Variants in PPFIA2 observed in about 807,000 individuals in gnomAD.
PPFIA2 encodes the protein liprin-alpha-2.
Under a neutral mutation model 175.5 loss-of-function variants are expected in PPFIA2, and 46 were observed. The observed-to-expected ratio is 0.26, with a 90% CI of 0.21 to 0.34. The LOEUF (loss-of-function observed/expected upper bound fraction) is 0.34. Among genes scored for constraint, PPFIA2 ranks in the 10% least tolerant of loss-of-function variants. The pLI, the probability that PPFIA2 is intolerant of heterozygous loss-of-function variation, is 1.00. For synonymous variants in PPFIA2, 568 were observed against 511.4 expected, an observed-to-expected ratio of 1.11 and a Z score of -1.49; for missense variants, 1,179 against 1,506.1, an observed-to-expected ratio of 0.78 and a Z score of 3.60.
intron 4 of PPFIA2, among the ~76,000 whole-genome samples, chr12:81,570,706 A>C (rs914998816): frequency 2.0e-5 from 3 of 148,760 alleles, no homozygotes; most frequent in Non-Finnish European, 3.0e-5. Context: ...TTACATAAAA[A>C]TATAATATTT....
At chr12:81,569,494 G>A (rs1199539866) in intron 4 of PPFIA2, among the ~76,000 whole-genome samples, 1 of 152,112 alleles carries the variant, frequency 6.6e-6, no homozygotes, top group Non-Finnish European at 1.5e-5. Flanking sequence ...GAATCCTATG[G>A]TTCAGAGAAA....
At chr12:81,329,896 C>T (rs2055740267) in intron 21 of PPFIA2, among the ~76,000 whole-genome samples, 1 of 152,168 alleles carries the variant, frequency 6.6e-6, no homozygotes, top group African/African-American at 2.4e-5. Flanking sequence ...GGTGCCTTGC[C>T]CAGATGGCAC....
At chr12:81,448,131 G>T (rs188371434) in intron 5 of PPFIA2, among the ~76,000 whole-genome samples, 19 of 152,136 alleles carry the variant, frequency 1.2e-4, no homozygotes, top group African/African-American at 4.3e-4. Context: ...TCTAGGAAAA[G>T]AAACACAATA....
intron 3 of PPFIA2, among the ~76,000 whole-genome samples, chr12:81,715,270 C>G (rs1435063172): frequency 6.6e-6 from 1 of 151,524 alleles, no homozygotes; most frequent in Non-Finnish European, 1.5e-5. Context: ...TATCTTCATT[C>G]ACTTCTTTTC....
At chr12:81,586,118 G>A (rs1230670342) in intron 4 of PPFIA2, among the ~76,000 whole-genome samples, 2 of 151,912 alleles carry the variant, frequency 1.3e-5, no homozygotes, top group Non-Finnish European at 2.9e-5. Context: ...TTACACTGTA[G>A]TTCAGAACTG....
intron 4 of PPFIA2, among the ~76,000 whole-genome samples, chr12:81,465,918 T>G (rs1324480306): frequency 1.3e-5 from 2 of 152,198 alleles, no homozygotes; most frequent in Non-Finnish European, 2.9e-5. Flanking sequence ...TATATCACTA[T>G]GTATATGCAA....
chr12:81,543,636 T>C (rs763132183), intron 4 of PPFIA2, among the ~76,000 whole-genome samples: 5 of 152,152 alleles, frequency 3.3e-5, no homozygotes, highest in Non-Finnish European at 4.4e-5. Flanking sequence ...ATAGTGACTT[T>C]CTTTCAAAGA....
chr12:81,693,972 T>G (rs1012293682), intron 3 of PPFIA2, among the ~76,000 whole-genome samples: 2 of 152,064 alleles, frequency 1.3e-5, no homozygotes, highest in African/African-American at 4.8e-5. Context: ...AAGAAATTTC[T>G]AATTAACAAA....
At chr12:81,535,548 T>A in intron 4 of PPFIA2, 1 of 443,772 alleles carries the variant, frequency 2.3e-6, no homozygotes, top group South Asian at 1.6e-5. Flanking sequence ...AACACAAAAA[T>A]ACATACATTT....
At chr12:81,562,618 C>T (rs1204082070) in intron 4 of PPFIA2, among the ~76,000 whole-genome samples, 1 of 151,430 alleles carries the variant, frequency 6.6e-6, no homozygotes, top group African/African-American at 2.4e-5. Context: ...GAGGCCGAGG[C>T]GGGCGGATCA....
intron 7 of PPFIA2, among the ~76,000 whole-genome samples, chr12:81,435,881 A>G (rs1201439266): frequency 6.6e-6 from 1 of 152,174 alleles, no homozygotes; most frequent in Admixed American, 6.5e-5. Context: ...GCAGATTATC[A>G]TAATATAGCA....
chr12:81,513,771 A>C (rs1056235652), intron 4 of PPFIA2, among the ~76,000 whole-genome samples: 1 of 152,072 alleles, frequency 6.6e-6, no homozygotes, highest in African/African-American at 2.4e-5. Flanking sequence ...TCAGGCATAC[A>C]TAGGTGGGTA....
At chr12:81,557,701 T>C (rs1237366123) in intron 4 of PPFIA2, among the ~76,000 whole-genome samples, 1 of 152,094 alleles carries the variant, frequency 6.6e-6, no homozygotes, top group Admixed American at 6.6e-5. Flanking sequence ...TCTCTATAAT[T>C]TAAGCTAATT....
At chr12:81,424,616 T>C (rs2046833164) in intron 7 of PPFIA2, among the ~76,000 whole-genome samples, 2 of 152,204 alleles carry the variant, frequency 1.3e-5, no homozygotes, top group Admixed American at 1.3e-4. Flanking sequence ...AACTTTTGTA[T>C]ATGGCCATGA....
At position 81,705,083 on chromosome 12, in the gene PPFIA2, T is replaced by TAAAA. The variant is rs557079067; in HGVS notation, c.250-28243_250-28240dup. Among the ~76,000 whole-genome samples, 19 of 32,366 alleles carry TAAAA rather than the reference T, an allele frequency of 5.9e-4. 2 individuals carry two copies. Among genetic ancestry groups the TAAAA allele is most frequent in the Admixed American group, 1.2e-3 (2 of 1,664 alleles). The allele number at this position is 32,366 out of a possible 152,430, so 21.2% of individuals were successfully genotyped here. On this transcript the variant is annotated intron_variant, in intron 3 of 32. Transcript: ENST00000549396. ...TGGGCAACAAGAGTGAAACTCTGTC[T>TAAAA]AAAAAAAAAAAAAAAAAAAAAAAAA...
intron 3 of PPFIA2, among the ~76,000 whole-genome samples, chr12:81,710,501 A>G (rs2077752313): frequency 1.3e-5 from 2 of 152,180 alleles, no homozygotes; most frequent in African/African-American, 4.8e-5. Context: ...AATGATGTAC[A>G]GTATAATACA....
chr12:81,316,045 G>C (rs2052271347), intron 22 of PPFIA2, among the ~76,000 whole-genome samples: 1 of 151,502 alleles, frequency 6.6e-6, no homozygotes, highest in Admixed American at 6.6e-5. Flanking sequence ...TTCAATTATG[G>C]AGAATCTGAA....
chr12:81,389,026 T>C (rs946185317), intron 8 of PPFIA2, among the ~76,000 whole-genome samples: 2 of 151,602 alleles, frequency 1.3e-5, no homozygotes, highest in Admixed American at 1.3e-4. Context: ...ACAGATTCGC[T>C]GTTCTGGACT....
Position 81,755,710 on chromosome 12 carries a change from G to A in PPFIA2, c.-2-1487C>T, listed in dbSNP as rs950269128. 5.3e-5 allele frequency among the ~76,000 whole-genome samples: 8 copies of A among 152,102 alleles called. No homozygotes were observed. In the South Asian group the frequency reaches 1.7e-3, roughly 32 times the overall value. On this transcript the variant is annotated intron_variant, in intron 2 of 32. Coordinates refer to ENST00000549396, the MANE Select transcript of PPFIA2 (RefSeq NM_003625.5). The stretch of plus-strand genomic sequence containing the variant: ...ATAACCTATATTAAAAAATTAAGGG[G>A]GTCATTGAACATTAGGAAAGTTTTA...
Sources: gnomAD v4.1 joint callset for allele counts (sites outside exome capture counted in the v4.1 genomes callset) on GRCh38, gnomAD v4.1.1 for gene constraint, MANE v1.5 for transcripts, NCBI Gene and HGNC (gene_info 2026-07-23, HGNC 2026-07-21) for gene names.